Variants in THSD4 observed in about 807,000 individuals in gnomAD.
THSD4 encodes thrombospondin type-1 domain-containing protein 4.
THSD4 carries 69 observed loss-of-function variants against 119.0 expected under a neutral mutation model. That is an observed-to-expected ratio of 0.58 (90% CI 0.48 to 0.71). The LOEUF is 0.71. Among genes scored for constraint, THSD4 ranks in the 30% least tolerant of loss-of-function variants. The pLI is 0.00. For missense variants in THSD4, 1,393 were observed against 1,391.1 expected, an observed-to-expected ratio of 1.00 and a Z score of -0.02; for synonymous variants, 524 against 540.4, an observed-to-expected ratio of 0.97 and a Z score of 0.42.
At chr15:71,140,867 C>G (rs573706253) in intron 1 of THSD4, among the ~76,000 whole-genome samples, 16 of 152,308 alleles carry the variant, frequency 1.1e-4, no homozygotes, top group African/African-American at 3.8e-4. Flanking sequence ...CTCCCAACCC[C>G]CAATCCCTGG....
At chr15:71,276,564 G>C (rs1411458849) in intron 6 of THSD4, among the ~76,000 whole-genome samples, 1 of 152,166 alleles carries the variant, frequency 6.6e-6, no homozygotes, top group East Asian at 1.9e-4. Context: ...CATCTGTGCT[G>C]CCTCTTTGCC....
rs1157774102 is a variant in THSD4, at chr15:71,446,313, C to T, written c.1152+34490C>T. Among the ~76,000 whole-genome samples, 3 of 152,186 alleles carry T rather than the reference C, an allele frequency of 2.0e-5. No individual in the cohort carries two copies. In the East Asian group the frequency reaches 5.8e-4, roughly 29 times the overall value. On this transcript the variant is annotated intron_variant, in intron 7 of 17. Transcript: ENST00000261862. ...ACTTTAATGGTCTTCCTTTATTTAGCATTGCCCTTTCTTATACAGAATTGC... is the reference window on the plus strand; with the variant it reads ...ACTTTAATGGTCTTCCTTTATTTAGTATTGCCCTTTCTTATACAGAATTGC...
intron 7 of THSD4, among the ~76,000 whole-genome samples, chr15:71,469,915 G>C (rs1347715184): frequency 6.6e-6 from 1 of 152,040 alleles, no homozygotes; most frequent in South Asian, 2.1e-4. Flanking sequence ...ATAATAGAGA[G>C]GAATTCATAC....
At chr15:71,299,923 G>A in intron 6 of THSD4, among the ~76,000 whole-genome samples, 1 of 142,784 alleles carries the variant, frequency 7.0e-6, no homozygotes, top group African/African-American at 2.7e-5. Flanking sequence ...AGGAGTTTCA[G>A]AACAGCCTGG....
At chr15:71,111,678 C>G (rs2141344621), upstream of THSD4, 1 of 550,994 alleles carries the variant, frequency 1.8e-6, no homozygotes, top group South Asian at 2.4e-5. Flanking sequence ...GATCCTGGTA[C>G]CTCCTTCAGA....
At chr15:71,747,947 C>T (rs1231481770) in intron 13 of THSD4, among the ~76,000 whole-genome samples, 1 of 152,216 alleles carries the variant, frequency 6.6e-6, no homozygotes, top group Non-Finnish European at 1.5e-5. Context: ...CATGACTTAA[C>T]CCCTTGCCTG....
chr15:71,559,129 G>A (rs530601581), intron 7 of THSD4, among the ~76,000 whole-genome samples: 2 of 152,186 alleles, frequency 1.3e-5, no homozygotes, highest in South Asian at 4.2e-4. Context: ...TCTAATGTGC[G>A]CTGCCTCATC....
intron 8 of THSD4, among the ~76,000 whole-genome samples, chr15:71,661,756 A>G (rs1464602654): frequency 6.6e-6 from 1 of 152,226 alleles, no homozygotes; most frequent in East Asian, 1.9e-4. Context: ...TCAGTTAACA[A>G]TATAAGGGAG....
intron 6 of THSD4, among the ~76,000 whole-genome samples, chr15:71,326,399 G>A (rs755307401): frequency 1.3e-4 from 20 of 151,692 alleles, no homozygotes; most frequent in Non-Finnish European, 2.4e-4. Context: ...GGTGGTGGCC[G>A]GGCAGGGTGG....
chr15:71,619,468 C>T (rs545623108), intron 7 of THSD4, among the ~76,000 whole-genome samples: 1 of 152,176 alleles, frequency 6.6e-6, no homozygotes, highest in East Asian at 1.9e-4. Context: ...GCAGAGGCAC[C>T]GGGAGAGTTA....
intron 7 of THSD4, among the ~76,000 whole-genome samples, chr15:71,652,222 A>G (rs1227959718): frequency 6.6e-6 from 1 of 152,122 alleles, no homozygotes. Context: ...ATCAGCCCCA[A>G]ACCACAGCTT....
chr15:71,106,900 A>G (rs551855484), intron 1 of THSD4, among the ~76,000 whole-genome samples: 1 of 152,288 alleles, frequency 6.6e-6, no homozygotes, highest in African/African-American at 2.4e-5. Flanking sequence ...GAGAAGTCAC[A>G]TTCCATTTGC....
chr15:71,130,330 C>T (rs2040491779), intron 1 of THSD4, among the ~76,000 whole-genome samples: 1 of 152,170 alleles, frequency 6.6e-6, no homozygotes, highest in South Asian at 2.1e-4. Context: ...AGACTACAGG[C>T]ATGTGCCACC....
chr15:71,458,416 C>T (rs2047369633), intron 7 of THSD4, among the ~76,000 whole-genome samples: 1 of 152,132 alleles, frequency 6.6e-6, no homozygotes, highest in South Asian at 2.1e-4. Context: ...CCTTTCTAAA[C>T]TTTAGTGTGC....
At chr15:71,370,171 CTT>C (rs1273851313) in intron 6 of THSD4, among the ~76,000 whole-genome samples, 1 of 151,984 alleles carries the variant, frequency 6.6e-6, no homozygotes, top group Non-Finnish European at 1.5e-5. Flanking sequence ...ATTCTTCTCT[CTT>C]TTCTTCTTTA....
At chr15:71,263,837 T>C (rs1254855288) in intron 6 of THSD4, among the ~76,000 whole-genome samples, 3 of 152,216 alleles carry the variant, frequency 2.0e-5, no homozygotes, top group Admixed American at 1.3e-4. Context: ...AGAAATGGAA[T>C]ATCTGTGGCT....
intron 7 of THSD4, among the ~76,000 whole-genome samples, chr15:71,532,283 A>AGAGAGAGAGAGAGAGAGTGAGTGT (rs1379506089): frequency 9.8e-6 from 1 of 101,574 alleles, no homozygotes; most frequent in African/African-American, 3.4e-5. Context: ...AGAGAGAGAG[A>AGAGAGAGAGAGAGAGAGTGAGTGT]GTGTGTGTGT....
chr15:71,435,020 A>AT (rs1447439087), intron 7 of THSD4, among the ~76,000 whole-genome samples: 1 of 152,252 alleles, frequency 6.6e-6, no homozygotes, highest in East Asian at 1.9e-4. Context: ...AGAAGAAAAA[A>AT]GAAACTTAAA....
intron 11 of THSD4, among the ~76,000 whole-genome samples, chr15:71,739,787 A>C (rs187431910): frequency 9.9e-6 from 1 of 101,370 alleles, no homozygotes; most frequent in East Asian, 3.0e-4. Flanking sequence ...GTCCCAGAGC[A>C]TTGGTTTGGG....
Sources: gnomAD v4.1 joint callset for allele counts (sites outside exome capture counted in the v4.1 genomes callset) on GRCh38, gnomAD v4.1.1 for gene constraint, MANE v1.5 for transcripts, NCBI Gene and HGNC (gene_info 2026-07-23, HGNC 2026-07-21) for gene names.